Variants in GSG1L observed in about 807,000 individuals in gnomAD.
GSG1L encodes GSG1 like.
In GSG1L, 24 loss-of-function variants were observed where a neutral mutation model predicts 42.1. The ratio of observed to expected loss-of-function variants is 0.57; its 90% CI spans 0.41 to 0.80. The LOEUF (loss-of-function observed/expected upper bound fraction) is 0.80, where lower values mean the gene tolerates loss of function less well. Ranked by LOEUF, GSG1L falls within the 30% of genes least tolerant of loss-of-function variation. The pLI is 0.00. For missense variants in GSG1L, 445 were observed against 472.2 expected, an observed-to-expected ratio of 0.94 and a Z score of 0.53; for synonymous variants, 215 against 203.5, an observed-to-expected ratio of 1.06 and a Z score of -0.48.
chr16:27,957,339 T>A (rs2085018071), intron 2 of GSG1L, among the ~76,000 whole-genome samples: 1 of 152,054 alleles, frequency 6.6e-6, no homozygotes, highest in Non-Finnish European at 1.5e-5. Flanking sequence ...AGAGCAAGAC[T>A]CCACCAAAAA....
At chr16:28,046,652 C>A (rs190270211) in intron 1 of GSG1L, among the ~76,000 whole-genome samples, 84 of 152,250 alleles carry the variant, frequency 5.5e-4, no homozygotes, top group Non-Finnish European at 9.0e-4. Context: ...CCAAGCCCGG[C>A]CCGAAATCCA....
At chr16:27,918,343 C>A (rs189751578) in intron 2 of GSG1L, among the ~76,000 whole-genome samples, 148 of 152,196 alleles carry the variant, frequency 9.7e-4, no homozygotes, top group Non-Finnish European at 1.8e-3. Flanking sequence ...GGGGCAAACA[C>A]AACAGATTGT....
chr16:27,820,146 T>C (rs903679264), intron 5 of GSG1L, among the ~76,000 whole-genome samples: 4 of 152,086 alleles, frequency 2.6e-5, no homozygotes, highest in Admixed American at 2.0e-4. Flanking sequence ...GAATGAGTCT[T>C]GGACATATTG....
At position 28,032,381 on chromosome 16, in the gene GSG1L, C is replaced by T. The variant is rs12935655; in HGVS notation, c.349+30695G>A. ...AGAAAATTACAAAACGAATAACAAA[C>T]ACGAATGACAACATGCAGAGCTGGC... On this transcript the variant is annotated intron_variant, in intron 1 of 6. Transcript: ENST00000447459. 3.7e-3 allele frequency among the ~76,000 whole-genome samples: 561 copies of T among 152,280 alleles called. 4 individuals carry two copies. Among genetic ancestry groups the T allele is most frequent in the Non-Finnish European group, 5.8e-3 (396 of 68,022 alleles).
At chr16:27,871,404 G>A (rs2083818604) in intron 3 of GSG1L, among the ~76,000 whole-genome samples, 1 of 152,222 alleles carries the variant, frequency 6.6e-6, no homozygotes. Context: ...CACTTGAGGA[G>A]GCTGAAGCAG....
At chr16:27,841,261 C>T (rs1444364721) in intron 4 of GSG1L, among the ~76,000 whole-genome samples, 2 of 152,100 alleles carry the variant, frequency 1.3e-5, no homozygotes, top group Non-Finnish European at 2.9e-5. Flanking sequence ...TGTCTGACTC[C>T]AGGAGCCACA....
At chr16:28,019,364 C>T (rs1206201959) in intron 1 of GSG1L, among the ~76,000 whole-genome samples, 1 of 152,148 alleles carries the variant, frequency 6.6e-6, no homozygotes, top group Non-Finnish European at 1.5e-5. Flanking sequence ...CTCCCACCAG[C>T]GCCATGACGG....
intron 1 of GSG1L, among the ~76,000 whole-genome samples, chr16:28,006,094 G>C (rs2085634239): frequency 6.6e-6 from 1 of 152,066 alleles, no homozygotes; most frequent in African/African-American, 2.4e-5. Flanking sequence ...TGGAGAAGAC[G>C]GGGTGGGGGG....
At chr16:27,916,716 C>T (rs2084460231) in intron 2 of GSG1L, among the ~76,000 whole-genome samples, 1 of 152,076 alleles carries the variant, frequency 6.6e-6, no homozygotes, top group Non-Finnish European at 1.5e-5. Context: ...GCTTATGACA[C>T]TCATTCTTTG....
At chr16:27,997,233 G>A (rs901141077) in intron 1 of GSG1L, among the ~76,000 whole-genome samples, 3 of 148,526 alleles carry the variant, frequency 2.0e-5, no homozygotes, top group South Asian at 2.1e-4. Flanking sequence ...CCCAATATTC[G>A]AAACCAGCCA....
chr16:27,789,402 A>C lies in GSG1L; in HGVS notation c.*1968T>G, dbSNP rs1481607797. 1.3e-5 allele frequency: 2 copies of C among 150,424 alleles called. No individual in the cohort carries two copies. The highest frequency in any genetic ancestry group is 4.9e-5 in the African/African-American group (2 of 40,786). 9.3% of individuals were successfully genotyped at this position (150,424 alleles called of 1,614,324 possible). A position where few individuals can be genotyped will look rare whatever the true frequency, so the allele number is the denominator to read the frequency against. ...GGGCAGATGGAGGGATGAATGGATGAGTGGATGATGGATAATGGATAGATG... is the reference window on the plus strand; with the variant it reads ...GGGCAGATGGAGGGATGAATGGATGCGTGGATGATGGATAATGGATAGATG... On this transcript the variant is annotated 3_prime_UTR_variant, in exon 7 of 7. Coordinates refer to ENST00000447459, the MANE Select transcript of GSG1L (RefSeq NM_001109763.2).
intron 3 of GSG1L, among the ~76,000 whole-genome samples, chr16:27,875,316 G>C (rs2083874018): frequency 6.6e-6 from 1 of 152,088 alleles, no homozygotes; most frequent in Non-Finnish European, 1.5e-5. Context: ...CTCCATGAGG[G>C]ACTGAGCCCC....
At chr16:27,841,017 A>G (rs2083374691) in intron 4 of GSG1L, among the ~76,000 whole-genome samples, 1 of 152,198 alleles carries the variant, frequency 6.6e-6, no homozygotes, top group Non-Finnish European at 1.5e-5. Context: ...AGAACAAATA[A>G]CAACACATTT....
At chr16:27,814,677 C>A (rs1597468259) in intron 5 of GSG1L, among the ~76,000 whole-genome samples, 2 of 135,344 alleles carry the variant, frequency 1.5e-5, no homozygotes, top group South Asian at 4.8e-4. Flanking sequence ...AGAGGGAGAA[C>A]CCGTCTCAAG....
chr16:27,871,963 T>C (rs759426342), intron 3 of GSG1L, among the ~76,000 whole-genome samples: 1 of 152,250 alleles, frequency 6.6e-6, no homozygotes, highest in Non-Finnish European at 1.5e-5. Context: ...TAAGCTATGC[T>C]GATGGTTACT....
chr16:27,809,004 A>C (rs544989962), intron 5 of GSG1L, among the ~76,000 whole-genome samples: 1 of 152,274 alleles, frequency 6.6e-6, no homozygotes, highest in Admixed American at 6.5e-5. Flanking sequence ...CTCATTGCAC[A>C]CATGCATTTG....
intron 1 of GSG1L, among the ~76,000 whole-genome samples, chr16:27,985,403 T>A (rs911438188): frequency 2.0e-5 from 3 of 152,096 alleles, no homozygotes; most frequent in African/African-American, 7.2e-5. Context: ...TCTAGCTCTC[T>A]CTCTCACCAT....
chr16:27,971,790 T>C (rs1276817926), intron 1 of GSG1L, among the ~76,000 whole-genome samples: 2 of 152,312 alleles, frequency 1.3e-5, no homozygotes, highest in East Asian at 1.9e-4. Context: ...TTTTTTAATA[T>C]ATGCCCTCTG....
intron 1 of GSG1L, among the ~76,000 whole-genome samples, chr16:28,004,320 C>A (rs1283366618): frequency 6.6e-6 from 1 of 151,912 alleles, no homozygotes; most frequent in Non-Finnish European, 1.5e-5. Context: ...AAAGGGGTGT[C>A]CTGGGAGGAA....
Sources: gnomAD v4.1 joint callset for allele counts (sites outside exome capture counted in the v4.1 genomes callset) on GRCh38, gnomAD v4.1.1 for gene constraint, MANE v1.5 for transcripts, NCBI Gene and HGNC (gene_info 2026-07-23, HGNC 2026-07-21) for gene names.